Variants in SNAPC4 observed in about 807,000 individuals in gnomAD.
SNAPC4 encodes the protein snRNA-activating protein complex subunit 4.
SNAPC4 carries 127 observed loss-of-function variants against 151.3 expected under a neutral mutation model. That is an observed-to-expected ratio of 0.84 (90% CI 0.73 to 0.97). SNAPC4 has a LOEUF of 0.97. Among genes scored for constraint, SNAPC4 ranks in the 50% least tolerant of loss-of-function variants. The pLI is 0.00. For missense variants in SNAPC4, 2,186 were observed against 1,935.0 expected, an observed-to-expected ratio of 1.13 and a Z score of -2.43; for synonymous variants, 1,002 against 824.4, an observed-to-expected ratio of 1.22 and a Z score of -3.69.
chr9:136,394,168 G>A (rs1422777966), intron 7 of SNAPC4, 81 bp downstream of exon 7: 9 of 1,124,562 alleles, frequency 8.0e-6, no homozygotes, highest in Non-Finnish European at 1.1e-5. Flanking sequence ...TCCTGCCTTG[G>A]CCTCCCAAAG....
chr9:136,396,902 G>T, intron 3 of SNAPC4, 75 bp downstream of exon 3: 1 of 1,164,614 alleles, frequency 8.6e-7, no homozygotes, highest in Non-Finnish European at 1.3e-6. Context: ...TTCAAACCAC[G>T]CCCCCTCCCA....
In SNAPC4 at chr9:136,387,736, A is replaced by G. The variant is rs1246202490; in HGVS notation, c.1230+6T>C. The G allele has an allele frequency of 3.2e-6, 5 of 1,581,198 alleles. No individual in the cohort carries two copies. The highest frequency in any genetic ancestry group is 4.5e-5 in the East Asian group (2 of 44,752). On this transcript the variant is annotated splice_donor_region_variant and intron_variant, in intron 12 of 23. Coordinates refer to ENST00000684778, the MANE Select transcript of SNAPC4 (RefSeq NM_003086.4). ...GCCCAGTTCTCCTAGGGTCCCGCACACTTACAGCATCTTCCTCCGGGGCCC... is the reference window on the plus strand; with the variant it reads ...GCCCAGTTCTCCTAGGGTCCCGCACGCTTACAGCATCTTCCTCCGGGGCCC...
intron 16 of SNAPC4, 36 bp from the exon 17 acceptor site, chr9:136,382,372 G>T (rs759810276): frequency 5.7e-6 from 9 of 1,585,294 alleles, no homozygotes; most frequent in Non-Finnish European, 7.8e-6. Context: ...GGCACGCGGG[G>T]TGTACGGGAC....
chr9:136,394,272 T>A lies in SNAPC4; in HGVS notation c.609A>T (p.Arg203=). The change falls in exon 7 of 24, where the codon CGA becomes CGT. Residue 203 remains arginine, a synonymous_variant. Transcript: ENST00000684778. ...RKSVVSDRLQ[R]LLQPKLLKLE... ...ACTTCAGTAACTTGGGCTGAAGCAA[T>A]CGCTGCAGGCGGTCACTCACCACTG... 6.2e-7 allele frequency: 1 copy of A among 1,613,916 alleles called. No individual in the cohort carries two copies.
intron 23 of SNAPC4, 108 bp downstream of exon 23, chr9:136,376,241 A>T: frequency 7.4e-7 from 1 of 1,359,590 alleles, no homozygotes; most frequent in Non-Finnish European, 1.0e-6. Context: ...AACCCAGCAC[A>T]CCTGCTGTGA....
At chr9:136,395,532 T>C in intron 4 of SNAPC4, 71 bp downstream of exon 4, 3 of 1,544,192 alleles carry the variant, frequency 1.9e-6, no homozygotes, top group Non-Finnish European at 2.6e-6. Flanking sequence ...GCCCTGGACC[T>C]GGGAGGCCCA....
chr9:136,379,076 G>A lies in SNAPC4; in HGVS notation c.2751C>T (p.Leu917=). 1.9e-6 allele frequency: 3 copies of A among 1,575,806 alleles called. No homozygotes were observed. Among genetic ancestry groups the A allele is most frequent in the Non-Finnish European group, 2.6e-6 (3 of 1,161,412 alleles). The part of the protein sequence containing the change: ...AREATRGPVV[L]PSQLLVSSSV... ...ACGAGGAGACCAGCAGCTGGGACGG[G>A]AGCACCACCGGGCCCCGGGTGGCCT... The change falls in exon 22 of 24, where the codon CTC becomes CTT. Residue 917 remains leucine (L), a synonymous_variant. Transcript: ENST00000684778.
At position 136,391,983 on chromosome 9, in the gene SNAPC4, G is replaced by T; in HGVS notation, c.934C>A (p.His312Asn). The T allele has an allele frequency of 1.2e-6, 2 of 1,607,920 alleles. No individual in the cohort carries two copies. The highest frequency in any genetic ancestry group is 1.7e-6 in the Non-Finnish European group (2 of 1,179,982). Residue 312 changes from histidine to asparagine, a missense_variant, in exon 10 of 24, where the codon CAC becomes AAC. Physicochemically the swap from His to Asn is moderately conservative, Grantham distance 68. Transcript: ENST00000684778. ...ATCTTCTGCCACTCCAGGTGGCCGT[G>T]TGCAGCCGCGATCGCCTGCAGCCGC... The part of the protein sequence containing the change: ...EERLQAIAAA[H>N]GHLEWQKIAE...
rs769996436 is a variant in SNAPC4, at chr9:136,391,941, C to G, written c.975+1G>C. Reference sequence around the variant, plus strand: ...CCCTGGGGTCCAGGCCAGGCCCTTACCCCCAGCTCCTCTGCAATCTTCTGC... The same window carrying G: ...CCCTGGGGTCCAGGCCAGGCCCTTAGCCCCAGCTCCTCTGCAATCTTCTGC... On this transcript the variant is annotated splice_donor_variant, in intron 10 of 23. Coordinates refer to ENST00000684778, the MANE Select transcript of SNAPC4 (RefSeq NM_003086.4). LOFTEE classifies it high-confidence loss of function. 6.2e-7 allele frequency: 1 copy of G among 1,601,346 alleles called. No individual in the cohort carries two copies. Among genetic ancestry groups the G allele is most frequent in the Non-Finnish European group, 8.5e-7 (1 of 1,179,718 alleles).
chr9:136,391,276 G>A (rs1488170255), intron 10 of SNAPC4, among the ~76,000 whole-genome samples: 1 of 152,140 alleles, frequency 6.6e-6, no homozygotes, highest in Non-Finnish European at 1.5e-5. Context: ...CCATAAAAAA[G>A]TAAAATATAT....
At position 136,387,883 on chromosome 9, in the gene SNAPC4, C is replaced by T. The variant is rs375193428; in HGVS notation, c.1124-35G>A. ...GAGGAACAGGGAGGTCCTGTGGGGC[C>T]GAGACACACACCCTCCATAGAGTAG... On this transcript the variant is annotated intron_variant, in intron 11 of 23. Coordinates refer to ENST00000684778, the MANE Select transcript of SNAPC4 (RefSeq NM_003086.4). 4.3e-6 allele frequency: 5 copies of T among 1,165,648 alleles called. No individual in the cohort carries two copies. The African/African-American group carries it at 6.1e-5, about 14-fold the overall frequency. 72.2% of individuals were successfully genotyped at this position (1,165,648 alleles called of 1,614,324 possible).
intron 13 of SNAPC4, among the ~76,000 whole-genome samples, chr9:136,385,072 T>C (rs138245298): frequency 1.3e-5 from 2 of 152,328 alleles, no homozygotes; most frequent in African/African-American, 2.4e-5. Context: ...CTGAAACATA[T>C]GAAGAACTCT....
intron 10 of SNAPC4, among the ~76,000 whole-genome samples, chr9:136,390,696 T>A (rs1394388983): frequency 6.6e-6 from 1 of 151,090 alleles, no homozygotes; most frequent in Non-Finnish European, 1.5e-5. Flanking sequence ...CTGCACATCC[T>A]GCACACACAG....
chr9:136,382,809 G>T (rs920131159), intron 16 of SNAPC4, among the ~76,000 whole-genome samples: 1 of 152,202 alleles, frequency 6.6e-6, no homozygotes, highest in East Asian at 1.9e-4. Flanking sequence ...CACAAGCCAG[G>T]CTTGTCCCAA....
In SNAPC4 at chr9:136,377,550, G is replaced by A. The variant is rs1833494000; in HGVS notation, c.4277C>T (p.Pro1426Leu). The change falls in exon 22 of 24, where the codon CCC (proline) becomes CTC (leucine). Residue 1426 changes from proline (P) to leucine (L), a missense_variant. Pro to Leu is a moderately conservative substitution (Grantham distance 98). Transcript: ENST00000684778. ...GQPGCTTATC[P>L]IQGAPDSGKC... ...GCTGGGCGCCCACCCTACCTGAATG[G>A]GGCATGTGGCTGTCGTGCAGCCCGG... 1 of 1,514,038 alleles carries A rather than the reference G, an allele frequency of 6.6e-7. No individual in the cohort carries two copies. The highest frequency in any genetic ancestry group is 1.4e-5 in the African/African-American group (1 of 71,704). 93.8% of individuals were successfully genotyped at this position (1,514,038 alleles called of 1,614,324 possible).
rs1833964986 is a variant in SNAPC4, at chr9:136,388,486, C to T, written c.1081G>A (p.Val361Met). The T allele has an allele frequency of 6.2e-7, 1 of 1,612,728 alleles. No homozygotes were observed. The highest frequency in any genetic ancestry group is 1.7e-5 in the Admixed American group (1 of 59,866). The change falls in exon 11 of 24, where the codon GTG (valine) becomes ATG (methionine). Residue 361 changes from valine (V) to methionine (M), a missense_variant. Val to Met is a conservative substitution (Grantham distance 21). Coordinates refer to ENST00000684778, the MANE Select transcript of SNAPC4 (RefSeq NM_003086.4). ...TGGCTGCCGACGCGCATCTCCTGCA[C>T]CAGCTGCGTGAGCATGCGGTCCTCC... is the stretch of plus-strand genomic sequence containing the variant. ...EEEDRMLTQL[V>M]QEMRVGSHIP...
rs376245004 is a variant in SNAPC4, at chr9:136,383,159, C to T, written c.1983+27G>A. 7 of 1,513,564 alleles carry T rather than the reference C, an allele frequency of 4.6e-6. No homozygotes were observed. In the African/African-American group the frequency reaches 5.6e-5, roughly 12 times the overall value. 93.8% of individuals were successfully genotyped at this position (1,513,564 alleles called of 1,614,324 possible). On this transcript the variant is annotated intron_variant, in intron 16 of 23. Transcript: ENST00000684778. The surrounding 1 kb of genome is among the most constrained non-coding windows in gnomAD (Gnocchi z 4.2). ...GAGCGAGTGCCGAAAGTGCACTTCC[C>T]GTGGTACACCCAGGGCCGGGGCCTA... is the stretch of plus-strand genomic sequence containing the variant.
At chr9:136,379,979 G>C (rs1043609256) in intron 20 of SNAPC4, 115 bp from the exon 21 acceptor site, 1 of 1,424,892 alleles carries the variant, frequency 7.0e-7, no homozygotes, top group Non-Finnish European at 9.7e-7. Context: ...GAGGCCCCAA[G>C]GGCTGGTGCT....
At chr9:136,386,196 C>T (rs1233824542) in intron 13 of SNAPC4, among the ~76,000 whole-genome samples, 1 of 151,026 alleles carries the variant, frequency 6.6e-6, no homozygotes, top group Admixed American at 6.6e-5. Flanking sequence ...GTGGTTTTGA[C>T]TTGCACTTCC....
Sources: gnomAD v4.1 joint callset for allele counts (sites outside exome capture counted in the v4.1 genomes callset) on GRCh38, gnomAD v4.1.1 for gene constraint, Gnocchi (gnomAD v3.1) non-coding constraint, MANE v1.5 for transcripts, NCBI Gene and HGNC (gene_info 2026-07-23, HGNC 2026-07-21) for gene names.